The following HSPG2 variants were observed in gnomAD, a reference collection of about 807,000 sequenced individuals.
HSPG2 encodes heparan sulfate proteoglycan 2.
Under a neutral mutation model 526.6 loss-of-function variants are expected in HSPG2, and 278 were observed. The observed-to-expected ratio is 0.53, with a 90% confidence interval of 0.48 to 0.58. The LOEUF is 0.58. Among genes scored for constraint, HSPG2 ranks in the 20% least tolerant of loss-of-function variants. The pLI, the probability that HSPG2 is intolerant of heterozygous loss-of-function variation, is 0.00. For synonymous variants in HSPG2, 2,465 were observed against 2,555.4 expected (o/e 0.96, Z 1.07); for missense variants, 5,354 against 6,099.5 (o/e 0.88, Z 4.07).
chr1:21,847,683 C>T lies in HSPG2; in HGVS notation c.8025+6G>A, dbSNP rs112535904. On this transcript the variant is annotated splice_donor_region_variant and intron_variant, in intron 61 of 96. Transcript: ENST00000374695. The surrounding 1 kb of genome is among the most constrained non-coding windows in gnomAD (Gnocchi z 4.1). ...CCACCCCCGCTGCTGTGGCTCCACT[C>T]TGTACCTGGTGTCGGGAGGGAAGGC... The T allele has an allele frequency of 6.2e-7, 1 of 1,606,454 alleles. No individual in the cohort carries two copies. Among genetic ancestry groups the T allele is most frequent in the Admixed American group, 1.7e-5 (1 of 58,720 alleles).
intron 63 of HSPG2, 45 bp from the exon 64 acceptor site, chr1:21,846,300 G>A: frequency 6.2e-7 from 1 of 1,612,378 alleles, no homozygotes; most frequent in East Asian, 2.2e-5. Context: ...GTGCCAGTCT[G>A]GAACTGTTGA....
At chr1:21,900,694 G>C (rs1308615937) in intron 1 of HSPG2, among the ~76,000 whole-genome samples, 1 of 152,140 alleles carries the variant, frequency 6.6e-6, no homozygotes, top group Non-Finnish European at 1.5e-5. Context: ...AGACCAGCCT[G>C]GCCTACAGGG....
At chr1:21,854,090 G>T (rs1639136252) in intron 50 of HSPG2, 103 bp downstream of exon 50, 4 of 1,301,312 alleles carry the variant, frequency 3.1e-6, no homozygotes, top group South Asian at 3.0e-5. Flanking sequence ...GTCAAAGCCT[G>T]CCTGGAATGC....
At position 21,880,752 on chromosome 1, in the gene HSPG2, G is replaced by T; in HGVS notation, c.1902C>A (p.Asp634Glu). 2 of 1,600,234 alleles carry T rather than the reference G, an allele frequency of 1.2e-6. No homozygotes were observed. Among genetic ancestry groups the T allele is most frequent in the Middle Eastern group, 3.4e-4 (2 of 5,920 alleles). ...RGMLEPVQRP[D>E]VVLMGAGYRL... is the part of the protein sequence containing the mutation. ...GGTACCCGGCACCCATGAGGACCAC[G>T]TCCGGCCGCTGCACTGGCTCCAGCA... The change falls in exon 15 of 97, where the codon GAC becomes GAA. Residue 634 changes from aspartate (D) to glutamate (E), a missense_variant. Coordinates refer to ENST00000374695, the MANE Select transcript of HSPG2 (RefSeq NM_005529.7).
At chr1:21,902,670 T>C (rs1643164002) in intron 1 of HSPG2, among the ~76,000 whole-genome samples, 1 of 152,114 alleles carries the variant, frequency 6.6e-6, no homozygotes, top group East Asian at 1.9e-4. Context: ...CCCCTTGCCC[T>C]CTGTAAGCTC....
rs781708829 is a variant in HSPG2 at position 21,842,376 on chromosome 1, T to G, written c.8915A>C (p.His2972Pro). 3.1e-6 allele frequency: 5 copies of G among 1,606,452 alleles called. No homozygotes were observed. In the South Asian group the frequency reaches 5.5e-5, roughly 18 times the overall value. ...GAGGTGGAGCCGCAGCTGGGAGCCATGGGTCTGTCAGAGCAGCGAGGGGAC... is the reference window on the plus strand; with the variant it reads ...GAGGTGGAGCCGCAGCTGGGAGCCAGGGGTCTGTCAGAGCAGCGAGGGGAC... ...GGSLPARHQT[H>P]GSQLRLHLVS... Residue 2972 changes from histidine (H) to proline (P), a missense_variant, in exon 68 of 97, where the codon CAT becomes CCT. Transcript: ENST00000374695.
Position 21,896,210 on chromosome 1 carries a change from T to G in HSPG2, c.164A>C (p.Asp55Ala), listed in dbSNP as rs753214888. The G allele has an allele frequency of 6.8e-6, 11 of 1,613,892 alleles. No homozygotes were observed. The highest frequency in any genetic ancestry group is 8.5e-6 in the Non-Finnish European group (10 of 1,179,982). ...GCTGTCAGCCAGCATGTCCTCATCA[T>G]CAGAAAGGTACGAATGTGTCCAGCG... ...QMRWTHSYLSDDEDMLADSIS... is the reference protein window; with the variant it reads ...QMRWTHSYLSADEDMLADSIS... Residue 55 changes from aspartate (D) to alanine (A), a missense_variant, in exon 2 of 97, where the codon GAT becomes GCT. Coordinates refer to ENST00000374695, the MANE Select transcript of HSPG2 (RefSeq NM_005529.7).
chr1:21,844,971 G>A (rs1638308368), intron 64 of HSPG2, among the ~76,000 whole-genome samples: 1 of 152,192 alleles, frequency 6.6e-6, no homozygotes, highest in Admixed American at 6.5e-5. Flanking sequence ...CTACACACTG[G>A]GCGCGGTGGC....
rs772736520 is a variant in HSPG2 at position 21,860,224 on chromosome 1, C to T, written c.4967G>A (p.Gly1656Asp). Residue 1656 changes from glycine to aspartate, a missense_variant, in exon 40 of 97, where the codon GGT (glycine) becomes GAT (aspartate). Gly to Asp is a moderately conservative substitution (Grantham distance 94). Transcript: ENST00000374695. ...TGQYCEQCGP[G>D]YVGNPSVQGG... ...TTGCACACTGGGGTTACCCACGTAA[C>T]CTGGGCCACACCTGTAAGGGGGAAC... 9.3e-6 allele frequency: 15 copies of T among 1,613,460 alleles called. No individual in the cohort carries two copies. In the Admixed American group the frequency reaches 2.5e-4, roughly 27 times the overall value.
At position 21,823,454 on chromosome 1, in the gene HSPG2, GC is replaced by G; in HGVS notation, c.13037del (p.Gly4346AlafsTer70). 6.3e-7 allele frequency: 1 copy of G among 1,595,010 alleles called. No individual in the cohort carries two copies. The highest frequency in any genetic ancestry group is 8.5e-7 in the Non-Finnish European group (1 of 1,175,188). On this transcript the variant is annotated frameshift_variant, in exon 97 of 97. Coordinates refer to ENST00000374695, the MANE Select transcript of HSPG2 (RefSeq NM_005529.7). LOFTEE classifies it high-confidence loss of function. ...AGCCTGTGATGCCTGAGGAGAATCTGCCCCCGGTCAGCGTGGCCACGTCAGG... is the reference window on the plus strand; with the variant it reads ...AGCCTGTGATGCCTGAGGAGAATCTGCCCCGGTCAGCGTGGCCACGTCAGG... Reference protein sequence around the residue: ...GAPDVATLTGGRFSSGITGCV... With the variant: ...GAPDVATLTGXRFSSGITGCV...
intron 45 of HSPG2, 43 bp from the exon 46 acceptor site, chr1:21,855,718 G>A (rs181788705): frequency 8.1e-6 from 13 of 1,597,390 alleles, no homozygotes; most frequent in Non-Finnish European, 8.5e-7. Flanking sequence ...AGCCTGCTCA[G>A]AGTCCTGCCC....
At position 21,831,659 on chromosome 1, in the gene HSPG2, G is replaced by C; in HGVS notation, c.11345C>G (p.Thr3782Ser). Residue 3782 changes from threonine (T) to serine (S), a missense_variant, in exon 82 of 97, where the codon ACC becomes AGC. Transcript: ENST00000374695. Reference sequence around the variant, plus strand: ...TATGGGGTTGGGTCTCACCTGGGAGGTCCCATTGACCGGGGCCAGGTCACC... The same window carrying C: ...TATGGGGTTGGGTCTCACCTGGGAGCTCCCATTGACCGGGGCCAGGTCACC... ...IVGDLAPVNG[T>S]SQGKFQGLDL... 2 of 1,607,760 alleles carry C rather than the reference G, an allele frequency of 1.2e-6. No homozygotes were observed. The highest frequency in any genetic ancestry group is 1.7e-6 in the Non-Finnish European group (2 of 1,176,882).
chr1:21,841,326 T>G, intron 70 of HSPG2, 41 bp from the exon 71 acceptor site: 1 of 1,610,220 alleles, frequency 6.2e-7, no homozygotes, highest in African/African-American at 1.3e-5. Flanking sequence ...CAGGCAGGGC[T>G]CTGCTGCTCA....
chr1:21,887,860 T>C lies in HSPG2; in HGVS notation c.703+78A>G. The C allele has an allele frequency of 6.2e-7, 1 of 1,606,566 alleles. No homozygotes were observed. Among genetic ancestry groups the C allele is most frequent in the Non-Finnish European group, 8.5e-7 (1 of 1,174,736 alleles). On this transcript the variant is annotated intron_variant, in intron 7 of 96. Coordinates refer to ENST00000374695, the MANE Select transcript of HSPG2 (RefSeq NM_005529.7). This position sits in a 1 kb window ranked among gnomAD's most constrained non-coding sequence, Gnocchi z 5.0. Reference sequence around the variant, plus strand: ...TGCACCAAACCCTCATAGTCCTTGATGGGCTCCAAGACCCAGGTGTAGGAC... The same window carrying C: ...TGCACCAAACCCTCATAGTCCTTGACGGGCTCCAAGACCCAGGTGTAGGAC...
chr1:21,885,192 G>A (rs1277706482), intron 10 of HSPG2, 35 bp from the exon 11 acceptor site: 1 of 1,599,022 alleles, frequency 6.3e-7, no homozygotes. Flanking sequence ...GGGGTCGGGG[G>A]CAAAGGAAGG....
chr1:21,878,475 C>T lies in HSPG2; in HGVS notation c.2575G>A (p.Glu859Lys), dbSNP rs561679922. 14 of 1,611,368 alleles carry T rather than the reference C, an allele frequency of 8.7e-6. No individual in the cohort carries two copies. Among genetic ancestry groups the T allele is most frequent in the Admixed American group, 3.3e-5 (2 of 59,802 alleles). ...CCGCCGGGCTGGATGGGGTTGCCCT[C>T]GTATCCGGGGGCACAGCTAGGGGAG... ...RRCESCAPGYEGNPIQPGGKC... is the reference protein window; with the variant it reads ...RRCESCAPGYKGNPIQPGGKC... The change falls in exon 20 of 97, where the codon GAG becomes AAG. Residue 859 changes from glutamate (E) to lysine (K), a missense_variant. Glu to Lys is a moderately conservative substitution (Grantham distance 56). Transcript: ENST00000374695.
At chr1:21,854,797 G>C in intron 48 of HSPG2, 32 bp from the exon 49 acceptor site, 2 of 1,613,030 alleles carry the variant, frequency 1.2e-6, no homozygotes, top group Non-Finnish European at 1.7e-6. Flanking sequence ...GCAGGCCCCA[G>C]GGGAGCCCTG....
chr1:21,870,792 C>T (rs1158557719), intron 33 of HSPG2: 16 of 984,480 alleles, frequency 1.6e-5, no homozygotes, highest in African/African-American at 7.0e-5. Flanking sequence ...AGGCACCACG[C>T]CCCACCACAC....
rs536124632 is a variant in HSPG2 at position 21,908,959 on chromosome 1, T to G, written c.64-12649A>C. Among the ~76,000 whole-genome samples, 12 of 152,244 alleles carry G rather than the reference T, an allele frequency of 7.9e-5. No individual in the cohort carries two copies. In the South Asian group the frequency reaches 2.1e-3, roughly 26 times the overall value. Reference sequence around the variant, plus strand: ...CCGTCTCTACTAAAAAATACAAAAATTAGCCGGGCATGGTGGCACATGCCT... The same window carrying G: ...CCGTCTCTACTAAAAAATACAAAAAGTAGCCGGGCATGGTGGCACATGCCT... On this transcript the variant is annotated intron_variant, in intron 1 of 96. Coordinates refer to ENST00000374695, the MANE Select transcript of HSPG2 (RefSeq NM_005529.7).
Sources: gnomAD v4.1 joint callset for allele counts (sites outside exome capture counted in the v4.1 genomes callset) on GRCh38, gnomAD v4.1.1 for gene constraint, Gnocchi (gnomAD v3.1) non-coding constraint, MANE v1.5 for transcripts, NCBI Gene and HGNC (gene_info 2026-07-23, HGNC 2026-07-21) for gene names.